The following ETNK2 variants were observed in gnomAD, a reference collection of about 807,000 sequenced individuals.
ETNK2 encodes the protein ethanolamine kinase 2.
ETNK2 carries 33 observed loss-of-function variants against 46.2 expected under a neutral mutation model. The ratio of observed to expected loss-of-function variants is 0.71; its 90% CI spans 0.54 to 0.96. The LOEUF (loss-of-function observed/expected upper bound fraction) is 0.96. Ranked by LOEUF, ETNK2 falls within the 40% of genes least tolerant of loss-of-function variation. The pLI, the probability that ETNK2 is intolerant of heterozygous loss-of-function variation, is 0.00. For synonymous variants in ETNK2, 194 were observed against 209.0 expected (o/e 0.93, Z 0.62); for missense variants, 445 against 509.7 (o/e 0.87, Z 1.22).
intron 6 of ETNK2, among the ~76,000 whole-genome samples, chr1:204,135,350 A>G (rs1001438950): frequency 3.3e-5 from 5 of 152,134 alleles, no homozygotes; most frequent in Non-Finnish European, 5.9e-5. Context: ...TGATGAAACA[A>G]TCTGTACACC....
At chr1:204,140,282 T>TCCATCCATC (rs1558233265) in intron 4 of ETNK2, among the ~76,000 whole-genome samples, 164 bp from the exon 5 acceptor site, 8 of 146,216 alleles carry the variant, frequency 5.5e-5, no homozygotes, top group African/African-American at 2.1e-4. Context: ...CTACTTCCAT[T>TCCATCCATC]CATCCATCCA....
rs1489054971 is a variant in ETNK2 at position 204,151,246 on chromosome 1, C to T, written c.258+349G>A. 2.6e-5 allele frequency: 11 copies of T among 424,472 alleles called. No individual in the cohort carries two copies. The highest frequency in any genetic ancestry group is 4.4e-5 in the Admixed American group (1 of 22,808). 26.3% of individuals were successfully genotyped at this position (424,472 alleles called of 1,614,324 possible). A position where few individuals can be genotyped will look rare whatever the true frequency, so the allele number is the denominator to read the frequency against. On this transcript the variant is annotated intron_variant, in intron 1 of 7. Transcript: ENST00000367202. This position sits in a 1 kb window ranked among gnomAD's most constrained non-coding sequence, Gnocchi z 8.0. ...GGGGTCTCTTAAAAGTTCCCGCCTC[C>T]TCAGGTTTCAGAGCTGGCTGGGTAC...
At chr1:204,143,848 C>T (rs894998644) in intron 3 of ETNK2, among the ~76,000 whole-genome samples, 1 of 152,144 alleles carries the variant, frequency 6.6e-6, no homozygotes, top group Non-Finnish European at 1.5e-5. Flanking sequence ...CCCAGTTATC[C>T]GCCCCACGTT....
chr1:204,133,539 T>TTTA (rs1657157067), intron 7 of ETNK2, among the ~76,000 whole-genome samples: 12 of 74,726 alleles, frequency 1.6e-4, no homozygotes, highest in Middle Eastern at 7.6e-3. Context: ...ATTTTATTTT[T>TTTA]TTTTTTTTTT....
rs1258158534 is a variant in ETNK2 at position 204,149,799 on chromosome 1, G to C, written c.422C>G (p.Pro141Arg). 6.2e-7 allele frequency: 1 copy of C among 1,607,762 alleles called. No individual in the cohort carries two copies. Among genetic ancestry groups the C allele is most frequent in the Non-Finnish European group, 8.5e-7 (1 of 1,177,406 alleles). ...ATTCTGGAAGGTGCAGTAGAGTTTG[G>C]GGGCACAGCTGTGTGCTCGCAGCAG... ...FQLLRAHSCA[P>R]KLYCTFQNGL... The change falls in exon 2 of 8, where the codon CCC (proline) becomes CGC (arginine). Residue 141 changes from proline (P) to arginine (R), a missense_variant. Transcript: ENST00000367202.
rs1571630182 is a variant in ETNK2 at position 204,146,573 on chromosome 1, G to C, written c.641+69C>G. On this transcript the variant is annotated intron_variant, in intron 3 of 7. Transcript: ENST00000367202. ...GCCCTTAAACCTCCTAGCAGGGTGGGCTGGAGCCAAAAGGATGGGGAAGGG... is the reference window on the plus strand; with the variant it reads ...GCCCTTAAACCTCCTAGCAGGGTGGCCTGGAGCCAAAAGGATGGGGAAGGG... 5.0e-6 allele frequency: 8 copies of C among 1,591,570 alleles called. No individual in the cohort carries two copies. In the African/African-American group the frequency reaches 6.7e-5, roughly 13 times the overall value.
At chr1:204,137,337 C>T (rs995081385) in intron 5 of ETNK2, 88 bp from the exon 6 acceptor site, 17 of 1,473,478 alleles carry the variant, frequency 1.2e-5, no homozygotes, top group Non-Finnish European at 1.5e-5. Context: ...CATCTCCCCT[C>T]AAACTCCCAT....
chr1:204,137,211 C>G lies in ETNK2; in HGVS notation c.907G>C (p.Glu303Gln). The part of the protein sequence containing the change: ...EVDYCLYPAR[E>Q]TQLQWLHYYL... ...TAGTGCAGCCACTGCAGCTGGGTCT[C>G]CCGCGCCGGGTACAGGCAGTAATCC... The change falls in exon 6 of 8, where the codon GAG becomes CAG. Residue 303 changes from glutamate to glutamine, a missense_variant. Coordinates refer to ENST00000367202, the MANE Select transcript of ETNK2 (RefSeq NM_018208.4). The G allele has an allele frequency of 1.2e-6, 2 of 1,613,970 alleles. No individual in the cohort carries two copies. The highest frequency in any genetic ancestry group is 1.7e-6 in the Non-Finnish European group (2 of 1,179,846).
chr1:204,143,171 G>A (rs917550235), intron 3 of ETNK2, among the ~76,000 whole-genome samples: 1 of 152,072 alleles, frequency 6.6e-6, no homozygotes, highest in African/African-American at 2.4e-5. Context: ...CGACAGGTCT[G>A]CGTAAGATGT....
chr1:204,149,595 G>T (rs1657924285), intron 2 of ETNK2, 108 bp downstream of exon 2: 1 of 1,348,388 alleles, frequency 7.4e-7, no homozygotes, highest in South Asian at 1.5e-5. Flanking sequence ...TGCAATTTCA[G>T]GGAACTCACA....
intron 3 of ETNK2, chr1:204,141,849 C>A (rs535622149): frequency 1.3e-3 from 252 of 190,758 alleles, no homozygotes; most frequent in Non-Finnish European, 2.1e-3. Flanking sequence ...GCAACAGGAG[C>A]AGTGGGGAGA....
intron 5 of ETNK2, among the ~76,000 whole-genome samples, chr1:204,139,403 T>G (rs897963239): frequency 1.3e-5 from 2 of 152,192 alleles, no homozygotes; most frequent in African/African-American, 4.8e-5. Flanking sequence ...GGTCTTTTTC[T>G]AATTCATGTA....
rs1657073253 is a variant in ETNK2, at chr1:204,131,629, G to A, written c.*555C>T. 1 of 159,360 alleles carries A rather than the reference G, an allele frequency of 6.3e-6. No homozygotes were observed. Among genetic ancestry groups the A allele is most frequent in the Non-Finnish European group, 1.4e-5 (1 of 71,826 alleles). 9.9% of individuals were successfully genotyped at this position (159,360 alleles called of 1,614,324 possible). A position where few individuals can be genotyped will look rare whatever the true frequency, so the allele number is the denominator to read the frequency against. Reference sequence around the variant, plus strand: ...TTTGGAGAAGGTGAGGGATCTCAGAGGAGGTGGCTGCTGGGGAAGATGTCA... The same window carrying A: ...TTTGGAGAAGGTGAGGGATCTCAGAAGAGGTGGCTGCTGGGGAAGATGTCA... On this transcript the variant is annotated 3_prime_UTR_variant, in exon 8 of 8. Transcript: ENST00000367202. The surrounding 1 kb of genome is among the most constrained non-coding windows in gnomAD (Gnocchi z 4.3).
chr1:204,151,578 C>A lies in ETNK2; in HGVS notation c.258+17G>T, dbSNP rs1293509501. 1.3e-6 allele frequency: 2 copies of A among 1,548,542 alleles called. No homozygotes were observed. Among genetic ancestry groups the A allele is most frequent in the Non-Finnish European group, 1.7e-6 (2 of 1,146,100 alleles). On this transcript the variant is annotated intron_variant, in intron 1 of 7. Transcript: ENST00000367202. The surrounding 1 kb of genome is among the most constrained non-coding windows in gnomAD (Gnocchi z 8.0). Reference sequence around the variant, plus strand: ...CCTGGCAGGACCCCATCCTCGGCCCCGCGCCCACTCCGCTACCTTGGTCCG... The same window carrying A: ...CCTGGCAGGACCCCATCCTCGGCCCAGCGCCCACTCCGCTACCTTGGTCCG...
intron 3 of ETNK2, among the ~76,000 whole-genome samples, chr1:204,143,532 G>A (rs1657647745): frequency 6.6e-6 from 1 of 152,108 alleles, no homozygotes; most frequent in Non-Finnish European, 1.5e-5. Context: ...TCAAGGCTGT[G>A]GGATCGGCAG....
chr1:204,149,095 A>G (rs1251820356), intron 2 of ETNK2, among the ~76,000 whole-genome samples: 2 of 152,118 alleles, frequency 1.3e-5, no homozygotes, highest in African/African-American at 2.4e-5. Flanking sequence ...GGAAAAGTCC[A>G]GTTCCTGGGC....
In ETNK2 at chr1:204,151,391, G is replaced by A. The variant is rs1558240714; in HGVS notation, c.258+204C>T. On this transcript the variant is annotated intron_variant, in intron 1 of 7. Transcript: ENST00000367202. The surrounding 1 kb of genome is among the most constrained non-coding windows in gnomAD (Gnocchi z 8.0). Reference sequence around the variant, plus strand: ...TGCCTAAGAGCCCCGGGAGGAGGGGGGCGTGTGCAGGGCCAAGGGAGGTGT... The same window carrying A: ...TGCCTAAGAGCCCCGGGAGGAGGGGAGCGTGTGCAGGGCCAAGGGAGGTGT... 2.3e-5 allele frequency: 16 copies of A among 707,890 alleles called. No individual in the cohort carries two copies. The South Asian group carries it at 2.9e-4, about 13-fold the overall frequency. 43.9% of individuals were successfully genotyped at this position (707,890 alleles called of 1,614,324 possible). A position where few individuals can be genotyped will look rare whatever the true frequency, so the allele number is the denominator to read the frequency against.
chr1:204,133,686 C>T (rs908694729), intron 7 of ETNK2, among the ~76,000 whole-genome samples: 18 of 151,938 alleles, frequency 1.2e-4, no homozygotes, highest in Non-Finnish European at 2.5e-4. Flanking sequence ...CGCCCGCCAC[C>T]ACGCCCGGCT....
At chr1:204,139,058 TATC>T (rs1204082040) in intron 5 of ETNK2, 1 of 152,210 alleles carries the variant, frequency 6.6e-6, no homozygotes, top group Admixed American at 6.5e-5. Flanking sequence ...AGGTAGGTAC[TATC>T]ATCATCTCCA....
Sources: allele counts gnomAD v4.1 joint callset (sites outside exome capture counted in the v4.1 genomes callset), GRCh38; gene constraint gnomAD v4.1.1; non-coding constraint Gnocchi (gnomAD v3.1); transcripts MANE v1.5; gene names NCBI Gene and HGNC (gene_info 2026-07-23, HGNC 2026-07-21).